PROM1: variants seen among roughly 807,000 people sequenced by gnomAD.
PROM1 encodes prominin-1.
PROM1 carries 105 observed loss-of-function variants against 116.9 expected under a neutral mutation model. That is an observed-to-expected ratio of 0.90 (90% CI 0.77 to 1.06). The LOEUF (loss-of-function observed/expected upper bound fraction) is 1.06. Among genes scored for constraint, PROM1 ranks in the 50% least tolerant of loss-of-function variants. PROM1 has a pLI of 0.00. For missense variants in PROM1, 1,122 were observed against 1,045.2 expected, an observed-to-expected ratio of 1.07 and a Z score of -1.01; for synonymous variants, 393 against 387.0, an observed-to-expected ratio of 1.02 and a Z score of -0.18.
At chr4:16,001,972 T>A (rs552104312) in intron 13 of PROM1, among the ~76,000 whole-genome samples, 1 of 152,126 alleles carries the variant, frequency 6.6e-6, no homozygotes, top group Admixed American at 6.5e-5. Flanking sequence ...ATTGAGAATA[T>A]AGCTGGCGGG....
chr4:15,996,923 G>A (rs1053000121), intron 15 of PROM1, among the ~76,000 whole-genome samples: 2 of 152,066 alleles, frequency 1.3e-5, no homozygotes, highest in Non-Finnish European at 2.9e-5. Flanking sequence ...CTATCGCCCT[G>A]TTATTTTTAG....
chr4:16,004,644 G>A (rs927884508), intron 13 of PROM1, among the ~76,000 whole-genome samples: 7 of 152,018 alleles, frequency 4.6e-5, no homozygotes, highest in African/African-American at 1.4e-4. Flanking sequence ...TAAAAGTAAT[G>A]GCAAAAACTG....
intron 16 of PROM1, among the ~76,000 whole-genome samples, chr4:15,993,528 TCCTGGGGCCA>T (rs1721569168): frequency 6.6e-6 from 1 of 151,932 alleles, no homozygotes; most frequent in Non-Finnish European, 1.5e-5. Flanking sequence ...CACACTGGAG[TCCTGGGGCCA>T]CCTTGCGACT....
rs201701647 is a variant in PROM1, at chr4:16,075,726, T to C, written c.181A>G (p.Ile61Val). The C allele has an allele frequency of 2.1e-4, 342 of 1,613,622 alleles. No homozygotes were observed. Among genetic ancestry groups the C allele is most frequent in the Middle Eastern group, 8.2e-4 (5 of 6,084 alleles). The change falls in exon 2 of 28, where the codon ATC becomes GTC. Residue 61 changes from isoleucine (I) to valine (V), a missense_variant. Physicochemically the swap from Ile to Val is conservative, Grantham distance 29. Transcript: ENST00000447510. ...PIGILFELVHIFLYVVQPRDF... is the reference protein window; with the variant it reads ...PIGILFELVHVFLYVVQPRDF... ...CGCGGCTGTACCACATAGAGAAAGA[T>C]ATGCACTAGTTCAAAGAGAATGCCA...
chr4:16,020,566 C>G (rs905918726), intron 8 of PROM1, among the ~76,000 whole-genome samples: 2 of 152,152 alleles, frequency 1.3e-5, no homozygotes, highest in Admixed American at 6.5e-5. Context: ...AAAGAGCAGG[C>G]TAAAACACAC....
chr4:16,021,491 G>A (rs2149321490), intron 8 of PROM1, among the ~76,000 whole-genome samples: 1 of 152,276 alleles, frequency 6.6e-6, no homozygotes, highest in Non-Finnish European at 1.5e-5. Context: ...TGAGCTTGGT[G>A]GGCCTGGAAT....
Position 16,022,440 on chromosome 4 carries a change from G to T in PROM1, c.784+886C>A, listed in dbSNP as rs549316777. On this transcript the variant is annotated intron_variant, in intron 8 of 27. Coordinates refer to ENST00000447510, the MANE Select transcript of PROM1 (RefSeq NM_006017.3). ...AAGGGAAGGAAAGGCCTTTCAATTA[G>T]TTAGGACTCATCTTAACAACTCCTG... Among the ~76,000 whole-genome samples, 10 of 152,334 alleles carry T rather than the reference G, an allele frequency of 6.6e-5. No homozygotes were observed. In the South Asian group the frequency reaches 2.1e-3, roughly 32 times the overall value.
chr4:16,065,203 T>C (rs1357441597), intron 2 of PROM1, among the ~76,000 whole-genome samples: 2 of 152,178 alleles, frequency 1.3e-5, no homozygotes, highest in Non-Finnish European at 2.9e-5. Context: ...AGAGCCTGCA[T>C]GCCATATGCC....
chr4:16,082,866 G>C (rs1745294124), intron 1 of PROM1, among the ~76,000 whole-genome samples: 1 of 152,072 alleles, frequency 6.6e-6, no homozygotes, highest in South Asian at 2.1e-4. Context: ...ACTTTCTACA[G>C]CCGTGAAGCT....
At chr4:16,002,032 G>A (rs1328956437) in intron 13 of PROM1, among the ~76,000 whole-genome samples, 1 of 152,152 alleles carries the variant, frequency 6.6e-6, no homozygotes. Flanking sequence ...TGCAGAGAAG[G>A]GATGGATGTG....
rs1354270392 is a variant in PROM1 at position 15,969,329 on chromosome 4, C to T, written c.*64G>A. The T allele has an allele frequency of 6.6e-6, 1 of 152,096 alleles. No individual in the cohort carries two copies. Among genetic ancestry groups the T allele is most frequent in the Non-Finnish European group, 1.5e-5 (1 of 68,028 alleles). The allele number at this position is 152,096 out of a possible 1,614,324, so 9.4% of individuals were successfully genotyped here. On this transcript the variant is annotated 3_prime_UTR_variant, in exon 28 of 28. Transcript: ENST00000447510. ...AAAGTCCTTGTAGACCCAGAAACTA[C>T]CAAAAATCTGTGATCCTTTCCACTT...
intron 13 of PROM1, among the ~76,000 whole-genome samples, chr4:16,002,203 G>A (rs750103373): frequency 6.6e-6 from 1 of 151,842 alleles, no homozygotes; most frequent in Admixed American, 6.6e-5. Context: ...AGTGTGGGGG[G>A]TGTCGAAAAA....
Position 16,040,210 on chromosome 4 carries a change from C to T in PROM1, c.221-1209G>A, listed in dbSNP as rs546232505. ...AGCCACTTTCCCACAAGGCTTTCTG[C>T]AAAACAACTTTTCTCCTCTACAACT... On this transcript the variant is annotated intron_variant, in intron 2 of 27. Coordinates refer to ENST00000447510, the MANE Select transcript of PROM1 (RefSeq NM_006017.3). 6.6e-5 allele frequency among the ~76,000 whole-genome samples: 10 copies of T among 152,286 alleles called. No individual in the cohort carries two copies. The South Asian group carries it at 1.0e-3, about 16-fold the overall frequency.
chr4:16,041,224 T>C (rs1350166314), intron 2 of PROM1, among the ~76,000 whole-genome samples: 1 of 152,264 alleles, frequency 6.6e-6, no homozygotes, highest in Admixed American at 6.5e-5. Flanking sequence ...ATACTCATTA[T>C]ATTCTTTGCC....
intron 2 of PROM1, among the ~76,000 whole-genome samples, chr4:16,040,666 G>A (rs1327394837): frequency 6.6e-6 from 1 of 152,218 alleles, no homozygotes; most frequent in African/African-American, 2.4e-5. Flanking sequence ...ACATGCTCAT[G>A]TGCAAAATAA....
At chr4:16,055,774 A>G (rs1292866606) in intron 2 of PROM1, among the ~76,000 whole-genome samples, 1 of 152,202 alleles carries the variant, frequency 6.6e-6, no homozygotes, top group Non-Finnish European at 1.5e-5. Context: ...AATACCCAAC[A>G]CATTACTAGT....
chr4:15,987,636 A>G (rs750235643), intron 20 of PROM1, 27 bp downstream of exon 20: 1 of 1,599,942 alleles, frequency 6.3e-7, no homozygotes, highest in Non-Finnish European at 8.5e-7. Context: ...ACAAAACCCC[A>G]TGACAGAAAA....
intron 2 of PROM1, among the ~76,000 whole-genome samples, chr4:16,044,778 A>T (rs141682760): frequency 3.3e-4 from 50 of 152,346 alleles, no homozygotes; most frequent in African/African-American, 1.2e-3. Flanking sequence ...GACTTTCTGC[A>T]GGCACTTCCA....
At position 15,980,468 on chromosome 4, in the gene PROM1, GT is replaced by G; in HGVS notation, c.2442del (p.Lys814AsnfsTer23). The G allele has an allele frequency of 6.4e-7, 1 of 1,557,054 alleles. No homozygotes were observed. Among genetic ancestry groups the G allele is most frequent in the South Asian group, 1.2e-5 (1 of 84,322 alleles). On this transcript the variant is annotated frameshift_variant, in exon 24 of 28. Coordinates refer to ENST00000447510, the MANE Select transcript of PROM1 (RefSeq NM_006017.3). LOFTEE classifies it high-confidence loss of function. ...TCCATTCGACGATAGTACTTAGCCA[GT>G]TTTACCGCAAAAATTAGAGCCGGAA... is the stretch of plus-strand genomic sequence containing the variant. ...FLLPALIFAV[K>X]LAKYYRRMDS...
Sources: allele counts gnomAD v4.1 joint callset (sites outside exome capture counted in the v4.1 genomes callset), GRCh38; gene constraint gnomAD v4.1.1; transcripts MANE v1.5; gene names NCBI Gene and HGNC (gene_info 2026-07-23, HGNC 2026-07-21).